HIRA: variants seen among roughly 807,000 people sequenced by gnomAD.
HIRA encodes protein HIRA.
A neutral mutation model predicts 126.6 loss-of-function variants in HIRA; 13 were observed. The ratio of observed to expected loss-of-function variants is 0.10; its 90% CI spans 0.07 to 0.16. The LOEUF (loss-of-function observed/expected upper bound fraction) is 0.16. Ranked by LOEUF, HIRA falls within the 10% of genes least tolerant of loss-of-function variation. The pLI, the probability that HIRA is intolerant of heterozygous loss-of-function variation, is 1.00. For missense variants in HIRA, 834 were observed against 1,314.4 expected (o/e 0.63, Z 5.65); for synonymous variants, 511 against 520.0 (o/e 0.98, Z 0.24).
At chr22:19,383,396 G>A (rs185643435) in intron 13 of HIRA, among the ~76,000 whole-genome samples, 63 of 152,300 alleles carry the variant, frequency 4.1e-4, no homozygotes, top group Non-Finnish European at 1.9e-4. Flanking sequence ...TGTGCTGGCC[G>A]CCTTAGCACT....
chr22:19,350,878 TCTC>T (rs1314054465), intron 24 of HIRA, among the ~76,000 whole-genome samples: 1 of 151,940 alleles, frequency 6.6e-6, no homozygotes, highest in Non-Finnish European at 1.5e-5. Context: ...GTCTCACTCT[TCTC>T]CTTGGGTTTC....
chr22:19,349,929 G>A (rs1556010297), intron 24 of HIRA, among the ~76,000 whole-genome samples: 1 of 151,460 alleles, frequency 6.6e-6, no homozygotes, highest in African/African-American at 2.4e-5. Flanking sequence ...TATATGCATG[G>A]TTTCATCCCT....
intron 24 of HIRA, among the ~76,000 whole-genome samples, chr22:19,347,772 C>T (rs1449675762): frequency 1.3e-5 from 2 of 152,068 alleles, no homozygotes. Flanking sequence ...AACCCCGCCT[C>T]TACTAAAAAA....
chr22:19,345,620 G>C (rs1008966620), intron 24 of HIRA, among the ~76,000 whole-genome samples: 3 of 152,158 alleles, frequency 2.0e-5, no homozygotes, highest in Non-Finnish European at 4.4e-5. Context: ...ATTCTCATAA[G>C]GAGCACACAA....
rs2088842726 is a variant in HIRA at position 19,359,355 on chromosome 22, G to T, written c.2215C>A (p.Leu739Ile). The T allele has an allele frequency of 1.9e-6, 3 of 1,597,730 alleles. No homozygotes were observed. The highest frequency in any genetic ancestry group is 2.3e-5 in the East Asian group (1 of 43,588). ...CCTTACCAGCTGCCCGCAGCAGTGA[G>T]GATCCGGCTGGTGAGTACCGTCTCC... ...EWETVLTSRI[L>I]TAAGSCDVVC... Residue 739 changes from leucine (L) to isoleucine (I), a missense_variant, in exon 18 of 25, where the codon CTC becomes ATC. By Grantham distance (5) the Leu-to-Ile change is conservative (BLOSUM62 2). Coordinates refer to ENST00000263208, the MANE Select transcript of HIRA (RefSeq NM_003325.4).
At chr22:19,360,658 G>C (rs1322810327) in intron 17 of HIRA, among the ~76,000 whole-genome samples, 1 of 152,202 alleles carries the variant, frequency 6.6e-6, no homozygotes, top group African/African-American at 2.4e-5. Flanking sequence ...CAGTGTGTGT[G>C]ACGGCACCAT....
At chr22:19,333,886 A>ACT (rs2088525457) in intron 24 of HIRA, among the ~76,000 whole-genome samples, 1 of 151,968 alleles carries the variant, frequency 6.6e-6, no homozygotes, top group African/African-American at 2.4e-5. Flanking sequence ...CTTCTAGTGA[A>ACT]CTTTTCAATT....
chr22:19,381,138 G>A (rs1182697233), intron 13 of HIRA, among the ~76,000 whole-genome samples: 1 of 152,042 alleles, frequency 6.6e-6, no homozygotes, highest in Non-Finnish European at 1.5e-5. Flanking sequence ...ATGCATCTCT[G>A]GTTGCATCCT....
intron 15 of HIRA, among the ~76,000 whole-genome samples, chr22:19,365,509 C>T (rs989740287): frequency 7.2e-5 from 11 of 152,092 alleles, no homozygotes; most frequent in African/African-American, 2.4e-4. Flanking sequence ...ATAAATGCAA[C>T]AAGAAAGCCT....
At chr22:19,380,168 A>C (rs2089059929) in intron 13 of HIRA, among the ~76,000 whole-genome samples, 1 of 152,216 alleles carries the variant, frequency 6.6e-6, no homozygotes, top group South Asian at 2.1e-4. Context: ...TGTCATTTAC[A>C]GAAAACACTT....
At chr22:19,377,143 C>T (rs181773923) in intron 14 of HIRA, among the ~76,000 whole-genome samples, 169 of 152,288 alleles carry the variant, frequency 1.1e-3, no homozygotes, top group Non-Finnish European at 1.9e-3. Context: ...CCTCCCTGAT[C>T]CCTGAGATAC....
chr22:19,409,862 G>A (rs76207094), intron 2 of HIRA, among the ~76,000 whole-genome samples: 6,063 of 151,532 alleles, frequency 0.04, 265 homozygotes, highest in East Asian at 0.13. Flanking sequence ...CTCCTCTCGG[G>A]TGCAGTCCAC....
chr22:19,425,509 C>T (rs1462095381), intron 1 of HIRA, among the ~76,000 whole-genome samples: 1 of 152,152 alleles, frequency 6.6e-6, no homozygotes, highest in Admixed American at 6.6e-5. Flanking sequence ...AGCAGGTCTC[C>T]TACTTGGCTT....
chr22:19,339,916 G>T (rs953961322), intron 24 of HIRA, among the ~76,000 whole-genome samples: 1 of 152,162 alleles, frequency 6.6e-6, no homozygotes, highest in Non-Finnish European at 1.5e-5. Flanking sequence ...GGACCAGATG[G>T]ATTCACAGCT....
chr22:19,354,261 G>T, intron 21 of HIRA, 143 bp from the exon 22 acceptor site: 1 of 717,448 alleles, frequency 1.4e-6, no homozygotes. Context: ...GAGCGCCCCT[G>T]CACTTCCGCA....
intron 1 of HIRA, among the ~76,000 whole-genome samples, chr22:19,429,888 A>G (rs2089517624): frequency 6.6e-6 from 1 of 152,160 alleles, no homozygotes; most frequent in South Asian, 2.1e-4. Flanking sequence ...TCATAATAAC[A>G]TTTTTCCTTT....
In HIRA at chr22:19,331,403, C is replaced by T. The variant is rs1556004552; in HGVS notation, c.*37G>A. On this transcript the variant is annotated 3_prime_UTR_variant, in exon 25 of 25. Coordinates refer to ENST00000263208, the MANE Select transcript of HIRA (RefSeq NM_003325.4). The stretch of plus-strand genomic sequence containing the variant: ...CATGTCATCAGCGGCGAGAGTGTGG[C>T]CCTGCCCTTGCTGCAGCCAGGGCAG... The T allele has an allele frequency of 1.9e-6, 3 of 1,612,788 alleles. No individual in the cohort carries two copies. Among genetic ancestry groups the T allele is most frequent in the Admixed American group, 3.3e-5 (2 of 60,008 alleles).
At chr22:19,353,206 C>A in intron 23 of HIRA, 150 bp downstream of exon 23, 1 of 873,426 alleles carries the variant, frequency 1.1e-6, no homozygotes, top group Non-Finnish European at 1.8e-6. Flanking sequence ...GGGCTGGGTG[C>A]CTGCTGAGCT....
chr22:19,371,460 T>C (rs1490013316), intron 15 of HIRA, among the ~76,000 whole-genome samples: 1 of 152,246 alleles, frequency 6.6e-6, no homozygotes, highest in Non-Finnish European at 1.5e-5. Context: ...TAGTGTATTA[T>C]TCTTTTAATT....
Sources: gnomAD v4.1 joint callset for allele counts (sites outside exome capture counted in the v4.1 genomes callset) on GRCh38, gnomAD v4.1.1 for gene constraint, MANE v1.5 for transcripts, NCBI Gene and HGNC (gene_info 2026-07-23, HGNC 2026-07-21) for gene names.